The following PTPRC variants were observed in gnomAD, a reference collection of about 807,000 sequenced individuals.
The protein encoded by PTPRC is receptor-type tyrosine-protein phosphatase C.
Under a neutral mutation model 155.9 loss-of-function variants are expected in PTPRC, and 44 were observed. The ratio of observed to expected loss-of-function variants is 0.28; its 90% CI spans 0.22 to 0.36. The LOEUF is 0.36. PTPRC is among the 10% of genes least tolerant of loss of function. The probability of loss-of-function intolerance (pLI) is 1.00; values close to 1 mark genes in which losing one functional copy is unlikely to be tolerated. For synonymous variants in PTPRC, 525 were observed against 533.1 expected (o/e 0.98, Z 0.21); for missense variants, 1,401 against 1,564.6 (o/e 0.90, Z 1.76).
At position 198,756,253 on chromosome 1, in the gene PTPRC, G is replaced by T; in HGVS notation, c.*72G>T. On this transcript the variant is annotated 3_prime_UTR_variant, in exon 33 of 33. Transcript: ENST00000442510. The stretch of plus-strand genomic sequence containing the variant: ...TTCTATTTTTGTAGAAGTAGGAAGT[G>T]AAAATAGGTATACAGTGGATTAATT... The T allele has an allele frequency of 3.8e-6, 6 of 1,565,968 alleles. No homozygotes were observed. The highest frequency in any genetic ancestry group is 4.4e-6 in the Non-Finnish European group (5 of 1,143,464).
intron 30 of PTPRC, 56 bp from the exon 31 acceptor site, chr1:198,752,538 T>C: frequency 1.9e-6 from 3 of 1,565,930 alleles, no homozygotes; most frequent in South Asian, 2.2e-5. Context: ...GACTATCAAA[T>C]TAGAAAATAA....
At chr1:198,698,791 C>CATGT (rs2102390803) in intron 4 of PTPRC, among the ~76,000 whole-genome samples, 1 of 151,582 alleles carries the variant, frequency 6.6e-6, no homozygotes, top group South Asian at 2.1e-4. Flanking sequence ...TACATATATA[C>CATGT]ATATAGGATT....
At chr1:198,708,102 A>T in intron 9 of PTPRC, 31 bp from the exon 10 acceptor site, 1 of 1,575,440 alleles carries the variant, frequency 6.3e-7, no homozygotes, top group Non-Finnish European at 8.7e-7. Flanking sequence ...ATGAAATACT[A>T]ATCAAGTTTA....
In PTPRC at chr1:198,748,193, A is replaced by C. The variant is rs763882896; in HGVS notation, c.2932A>C (p.Ile978Leu). 2 of 1,605,946 alleles carry C rather than the reference A, an allele frequency of 1.2e-6. No homozygotes were observed. The highest frequency in any genetic ancestry group is 2.2e-5 in the South Asian group (2 of 90,198). Residue 978 changes from isoleucine (I) to leucine (L), a missense_variant, in exon 27 of 33, where the codon ATC (isoleucine) becomes CTC (leucine). Ile to Leu is a conservative substitution (Grantham distance 5). Coordinates refer to ENST00000442510, the MANE Select transcript of PTPRC (RefSeq NM_002838.5). Reference sequence around the variant, plus strand: ...AAGTAAAAACAGGAATTCTAATGTCATCCCATGTATGTAGTTTATTTTTTT... The same window carrying C: ...AAGTAAAAACAGGAATTCTAATGTCCTCCCATGTATGTAGTTTATTTTTTT... Reference protein sequence around the residue: ...NKSKNRNSNVIPYDYNRVPLK... With the variant: ...NKSKNRNSNVLPYDYNRVPLK...
rs542323892 is a variant in PTPRC at position 198,708,849 on chromosome 1, A to G, written c.1033+588A>G. 1.8e-3 allele frequency among the ~76,000 whole-genome samples: 267 copies of G among 152,332 alleles called. 1 individual carries two copies. Among genetic ancestry groups the G allele is most frequent in the South Asian group, 3.3e-3 (16 of 4,830 alleles). ...TGAATTTAATGAGGTGAACTCTCCC[A>G]CCCTTTGACTTAAAGCCATCTGCCA... On this transcript the variant is annotated intron_variant, in intron 10 of 32. Coordinates refer to ENST00000442510, the MANE Select transcript of PTPRC (RefSeq NM_002838.5).
chr1:198,715,276 C>A (rs1028455568), intron 12 of PTPRC, among the ~76,000 whole-genome samples: 6 of 152,020 alleles, frequency 3.9e-5, no homozygotes, highest in African/African-American at 1.4e-4. Flanking sequence ...GCGCCCGCCA[C>A]CACGCCCGGC....
intron 2 of PTPRC, among the ~76,000 whole-genome samples, chr1:198,656,807 A>G (rs1663606551): frequency 6.6e-6 from 1 of 152,034 alleles, no homozygotes; most frequent in African/African-American, 2.4e-5. Context: ...GAGCTCAAGC[A>G]GGTTGGTTAT....
intron 2 of PTPRC, among the ~76,000 whole-genome samples, chr1:198,660,157 T>A (rs1295850876): frequency 6.7e-6 from 1 of 149,554 alleles, no homozygotes; most frequent in African/African-American, 2.5e-5. Flanking sequence ...TATTGACAAA[T>A]GGCTTTCAGA....
intron 6 of PTPRC, 67 bp downstream of exon 6, chr1:198,702,597 TG>T: frequency 6.3e-7 from 1 of 1,578,662 alleles, no homozygotes; most frequent in Non-Finnish European, 8.7e-7. Context: ...AAAACTTTAA[TG>T]TAGCTCTTTT....
intron 15 of PTPRC, among the ~76,000 whole-genome samples, chr1:198,722,787 C>T (rs972665977): frequency 6.6e-6 from 1 of 151,492 alleles, no homozygotes; most frequent in African/African-American, 2.4e-5. Flanking sequence ...TAACATTTTT[C>T]GTGTACTATT....
At chr1:198,738,284 G>T (rs1039888808) in intron 23 of PTPRC, among the ~76,000 whole-genome samples, 1 of 151,720 alleles carries the variant, frequency 6.6e-6, no homozygotes, top group Admixed American at 6.6e-5. Flanking sequence ...CTAGCTGTGG[G>T]TGTGTCATAT....
At chr1:198,739,559 T>C (rs1654804130) in intron 23 of PTPRC, among the ~76,000 whole-genome samples, 2 of 151,776 alleles carry the variant, frequency 1.3e-5, no homozygotes, top group Non-Finnish European at 2.9e-5. Flanking sequence ...CAACTAATAC[T>C]GGAGCACACA....
intron 5 of PTPRC, among the ~76,000 whole-genome samples, chr1:198,701,111 C>T (rs1666439155): frequency 6.6e-6 from 1 of 152,182 alleles, no homozygotes; most frequent in Admixed American, 6.5e-5. Context: ...TGGAGCCCTC[C>T]TCTGGGGATC....
chr1:198,707,844 G>T (rs879877444), intron 9 of PTPRC, among the ~76,000 whole-genome samples: 1 of 152,088 alleles, frequency 6.6e-6, no homozygotes, highest in East Asian at 1.9e-4. Flanking sequence ...TAAAATGTGC[G>T]AAAGCTACAA....
chr1:198,742,438 A>G, intron 25 of PTPRC, 71 bp downstream of exon 25: 1 of 1,576,458 alleles, frequency 6.3e-7, no homozygotes, highest in Non-Finnish European at 8.7e-7. Flanking sequence ...AGTGATAATA[A>G]TGATATTTTT....
chr1:198,723,748 C>T (rs150261500), intron 15 of PTPRC, among the ~76,000 whole-genome samples: 1 of 152,172 alleles, frequency 6.6e-6, no homozygotes, highest in South Asian at 2.1e-4. Context: ...CAGTGGGAAT[C>T]CTTGCAGCGG....
intron 29 of PTPRC, among the ~76,000 whole-genome samples, chr1:198,750,851 C>G (rs1392604008): frequency 6.6e-6 from 1 of 151,996 alleles, no homozygotes; most frequent in Non-Finnish European, 1.5e-5. Flanking sequence ...GCATGCTGCT[C>G]ACAGATTAGC....
chr1:198,696,387 C>T (rs1041951606), intron 3 of PTPRC, among the ~76,000 whole-genome samples: 4 of 151,854 alleles, frequency 2.6e-5, no homozygotes, highest in Middle Eastern at 3.2e-3. Flanking sequence ...TTTGGATAGG[C>T]GAGAAGCTGC....
chr1:198,642,308 A>T (rs1024999322), intron 2 of PTPRC, among the ~76,000 whole-genome samples: 14 of 151,920 alleles, frequency 9.2e-5, no homozygotes, highest in African/African-American at 3.4e-4. Flanking sequence ...CTTTATGTAG[A>T]TACTCACACA....
Sources: gnomAD v4.1 joint callset for allele counts (sites outside exome capture counted in the v4.1 genomes callset) on GRCh38, gnomAD v4.1.1 for gene constraint, MANE v1.5 for transcripts, NCBI Gene and HGNC (gene_info 2026-07-23, HGNC 2026-07-21) for gene names.